Variants in POM121 observed in about 807,000 individuals in gnomAD.
POM121 encodes the protein POM121 transmembrane nucleoporin.
POM121 carries 32 observed loss-of-function variants against 81.3 expected under a neutral mutation model. The observed-to-expected ratio is 0.39, with a 90% CI of 0.30 to 0.53. The LOEUF is 0.53. Among genes scored for constraint, POM121 ranks in the 20% least tolerant of loss-of-function variants. The probability of loss-of-function intolerance (pLI) is 0.66; values close to 1 mark genes in which losing one functional copy is unlikely to be tolerated. For missense variants in POM121, 1,138 were observed against 1,614.6 expected, an observed-to-expected ratio of 0.70 and a Z score of 5.06; for synonymous variants, 514 against 694.2, an observed-to-expected ratio of 0.74 and a Z score of 4.08.
chr7:72,893,691 G>A (rs1456199309), intron 3 of POM121, among the ~76,000 whole-genome samples: 1 of 152,230 alleles, frequency 6.6e-6, no homozygotes, highest in Non-Finnish European at 1.5e-5. Context: ...ATTGTGCGTT[G>A]TGTGCCGGGT....
Position 72,939,895 on chromosome 7 carries a change from C to T in POM121, c.1490C>T (p.Thr497Ile). 2.5e-6 allele frequency: 4 copies of T among 1,609,978 alleles called. No individual in the cohort carries two copies. The highest frequency in any genetic ancestry group is 2.2e-5 in the East Asian group (1 of 44,808). The change falls in exon 8 of 13, where the codon ACA (threonine) becomes ATA (isoleucine). Residue 497 changes from threonine (T) to isoleucine (I), a missense_variant. Thr to Ile is a moderately conservative substitution (Grantham distance 89). Around this residue, in one of 7 missense-constraint regions of POM121, gnomAD observed 24 missense variants for 54.3 expected, o/e 0.44. Coordinates refer to ENST00000434423, the MANE Select transcript of POM121 (RefSeq NM_001387691.1). ...RKKQNSNSQS[T>I]PGSSGQRKRK... is the part of the protein sequence containing the mutation. ...AAACAAAACTCGAATTCTCAGTCTA[C>T]ACCTGGCAGCTCTGGGCAGCGTAAG...
downstream of POM121, chr7:72,949,817 T>G (rs367694854): frequency 1.9e-5 from 24 of 1,275,800 alleles, no homozygotes; most frequent in African/African-American, 3.0e-5. Context: ...TCAAACCCCA[T>G]GTCCTCCTCC....
intron 3 of POM121, among the ~76,000 whole-genome samples, chr7:72,900,102 G>A (rs1305614203): frequency 6.6e-6 from 1 of 152,188 alleles, no homozygotes; most frequent in African/African-American, 2.4e-5. Context: ...TTTTTTAAAA[G>A]CTCACTAGGT....
upstream of POM121, among the ~76,000 whole-genome samples, chr7:72,920,441 T>C (rs1383808571): frequency 6.7e-6 from 1 of 149,910 alleles, no homozygotes; most frequent in Non-Finnish European, 1.5e-5. Context: ...CTCCACCTCC[T>C]GGGTTCACGC....
chr7:72,938,637 C>G lies in POM121; in HGVS notation c.1323C>G (p.Ala441=), dbSNP rs149022790. 241 of 1,613,880 alleles carry G rather than the reference C, an allele frequency of 1.5e-4. 2 individuals carry two copies. The African/African-American group carries it at 2.9e-3, about 20-fold the overall frequency. ...GPSSSPFSSP[A]SSRSQTPERP... Reference sequence around the variant, plus strand: ...GTTCATCACCCTTCTCTAGCCCAGCCTCCTCCCGCTCCCAGACACCGGAGA... The same window carrying G: ...GTTCATCACCCTTCTCTAGCCCAGCGTCCTCCCGCTCCCAGACACCGGAGA... The change falls in exon 6 of 13, where the codon GCC becomes GCG. Residue 441 remains alanine, a synonymous_variant. Coordinates refer to ENST00000434423, the MANE Select transcript of POM121 (RefSeq NM_001387691.1).
At chr7:72,929,168 A>G (rs1419719692) in intron 4 of POM121, among the ~76,000 whole-genome samples, 2 of 152,342 alleles carry the variant, frequency 1.3e-5, no homozygotes, top group East Asian at 1.9e-4. Flanking sequence ...GTATGGAAGT[A>G]TTAGCCCAGA....
chr7:72,948,629 A>G (rs553891423), downstream of POM121: 274 of 1,603,526 alleles, frequency 1.7e-4, 1 homozygote, highest in South Asian at 2.6e-3. Context: ...ATGTGCCAGT[A>G]CCATCCTGCG....
chr7:72,892,919 C>T (rs1586074937), intron 3 of POM121, among the ~76,000 whole-genome samples: 2 of 152,016 alleles, frequency 1.3e-5, no homozygotes, highest in Non-Finnish European at 2.9e-5. Flanking sequence ...CCTGCCTCGG[C>T]CTCTCAAAGT....
chr7:72,911,266 G>A (rs2129576329), intron 3 of POM121, among the ~76,000 whole-genome samples: 2 of 152,374 alleles, frequency 1.3e-5, no homozygotes, highest in African/African-American at 4.8e-5. Context: ...TTACAGGCAT[G>A]AGCCACCGTG....
rs1489045529 is a variant in POM121 at position 72,925,593 on chromosome 7, C to T, written c.472C>T (p.Leu158=). Residue 158 remains leucine (L), a synonymous_variant, in exon 1 of 13, where the codon CTG becomes TTG. Transcript: ENST00000434423. ...QPAAAPEGQD[L]RDRPGRRPPA... is the part of the protein sequence containing the mutation. ...CGCCGCCGCTCCGGAGGGCCAGGAC[C>T]TGCGGGATAGGCCTGGCCGCCGCCC... is the stretch of plus-strand genomic sequence containing the variant. The T allele has an allele frequency of 2.6e-6, 4 of 1,528,698 alleles. No individual in the cohort carries two copies. The highest frequency in any genetic ancestry group is 3.5e-6 in the Non-Finnish European group (4 of 1,144,328). The allele number at this position is 1,528,698 out of a possible 1,614,324, so 94.7% of individuals were successfully genotyped here.
intron 3 of POM121, among the ~76,000 whole-genome samples, chr7:72,893,509 G>A (rs1791521596): frequency 2.0e-5 from 3 of 152,168 alleles, no homozygotes; most frequent in South Asian, 4.1e-4. Context: ...GCCTGAACCC[G>A]GGAGGCAGAG....
intron 5 of POM121, among the ~76,000 whole-genome samples, chr7:72,935,644 C>T (rs1367989685): frequency 6.6e-6 from 1 of 151,392 alleles, no homozygotes; most frequent in Non-Finnish European, 1.5e-5. Context: ...CCACACCTGG[C>T]GAATTTTTGT....
chr7:72,946,447 A>G lies in POM121; in HGVS notation c.*213A>G. On this transcript the variant is annotated 3_prime_UTR_variant, in exon 13 of 13. Transcript: ENST00000434423. ...AGGGGAAGCAGGATGCGGAGGGCCA[A>G]AGCCCGGGACCTCTACTTGAACAGT... 2.1e-6 allele frequency: 3 copies of G among 1,401,714 alleles called. No individual in the cohort carries two copies. The South Asian group carries it at 4.7e-5, about 22-fold the overall frequency. 86.8% of individuals were successfully genotyped at this position (1,401,714 alleles called of 1,614,324 possible).
At chr7:72,922,170 A>G (rs1261418805), upstream of POM121, among the ~76,000 whole-genome samples, 13 of 152,164 alleles carry the variant, frequency 8.5e-5, no homozygotes, top group Non-Finnish European at 1.8e-4. Context: ...ATATATATGC[A>G]CATATGTGTA....
At chr7:72,896,551 G>A (rs1791970385) in intron 3 of POM121, among the ~76,000 whole-genome samples, 1 of 138,854 alleles carries the variant, frequency 7.2e-6, no homozygotes, top group African/African-American at 2.8e-5. Context: ...CAGCTACTTG[G>A]GAATGTTGAG....
chr7:72,932,695 C>T (rs1323708319), intron 5 of POM121, among the ~76,000 whole-genome samples: 22 of 152,196 alleles, frequency 1.4e-4, no homozygotes, highest in Non-Finnish European at 2.4e-4. Flanking sequence ...GACCATTTCT[C>T]CATGGCCTCA....
upstream of POM121, among the ~76,000 whole-genome samples, chr7:72,920,674 A>G (rs1794741103): frequency 1.3e-5 from 2 of 151,814 alleles, no homozygotes; most frequent in African/African-American, 4.8e-5. Flanking sequence ...TCCTATATAC[A>G]TTTTCTTGAG....
At position 72,943,287 on chromosome 7, in the gene POM121, G is replaced by A. The variant is rs1554502335; in HGVS notation, c.3294G>A (p.Thr1098=). The A allele has an allele frequency of 5.6e-6, 9 of 1,609,182 alleles. No homozygotes were observed. The highest frequency in any genetic ancestry group is 1.9e-4 in the Middle Eastern group (1 of 5,332). The change falls in exon 11 of 13, where the codon ACG becomes ACA. Residue 1098 remains threonine (T), a synonymous_variant. Transcript: ENST00000434423. The part of the protein sequence containing the change: ...VFGSTTPSPF[T]FGGSAAPAGS... The stretch of plus-strand genomic sequence containing the variant: ...GCAGCACAACACCATCACCCTTCAC[G>A]TTTGGGGGTTCGGCAGCCCCCGCTG...
At chr7:72,939,602 A>T (rs1429352884) in intron 7 of POM121, among the ~76,000 whole-genome samples, 193 bp downstream of exon 7, 2 of 152,338 alleles carry the variant, frequency 1.3e-5, no homozygotes, top group Middle Eastern at 3.4e-3. Flanking sequence ...GACAGGGACT[A>T]ACGATTGGAT....
Sources: allele counts gnomAD v4.1 joint callset (sites outside exome capture counted in the v4.1 genomes callset), GRCh38; gene constraint gnomAD v4.1.1; regional missense constraint gnomAD v4.1.1; transcripts MANE v1.5; gene names NCBI Gene and HGNC (gene_info 2026-07-23, HGNC 2026-07-21).